NXPE2: variants seen among roughly 807,000 people sequenced by gnomAD.
The protein encoded by NXPE2 is NXPE family member 2.
A neutral mutation model predicts 34.4 loss-of-function variants in NXPE2; 34 were observed. The observed-to-expected ratio is 0.99, with a 90% CI of 0.75 to 1.31. NXPE2 has a LOEUF of 1.31. NXPE2 is among the 40% of genes most tolerant of loss of function. The pLI, the probability that NXPE2 is intolerant of heterozygous loss-of-function variation, is 0.00. For missense variants in NXPE2, 649 were observed against 672.5 expected, an observed-to-expected ratio of 0.97 and a Z score of 0.39; for synonymous variants, 235 against 231.3, an observed-to-expected ratio of 1.02 and a Z score of -0.15.
chr11:114,479,910 A>G, the NXPE2 span, among the ~76,000 whole-genome samples: 2 of 152,216 alleles, frequency 1.3e-5, no homozygotes, highest in Admixed American at 1.3e-4. Context: ...CAGGAAGCTT[A>G]TAATCATGGT....
chr11:114,628,275 C>A, the NXPE2 span, among the ~76,000 whole-genome samples: 1 of 150,216 alleles, frequency 6.7e-6, no homozygotes, highest in Non-Finnish European at 1.5e-5. Flanking sequence ...TGGAAATAAA[C>A]CTCTCCTCAG....
chr11:114,630,973 G>C, the NXPE2 span, among the ~76,000 whole-genome samples: 2 of 150,848 alleles, frequency 1.3e-5, no homozygotes, highest in East Asian at 3.9e-4. Context: ...ACCACAATGA[G>C]ATACCATCTC....
the NXPE2 span, among the ~76,000 whole-genome samples, chr11:114,750,486 T>C: frequency 1.6e-4 from 25 of 152,362 alleles, no homozygotes; most frequent in African/African-American, 6.0e-4. Flanking sequence ...TTTTACTATA[T>C]GGTGTCCAGA....
chr11:114,522,184 C>T, the NXPE2 span: 2 of 1,613,940 alleles, frequency 1.2e-6, no homozygotes, highest in African/African-American at 1.3e-5. Context: ...TGTTTTCTGT[C>T]TTAATAATCA....
the NXPE2 span, among the ~76,000 whole-genome samples, chr11:114,468,562 C>T: frequency 6.6e-6 from 1 of 152,090 alleles, no homozygotes; most frequent in Non-Finnish European, 1.5e-5. Flanking sequence ...GTTTTGCCCC[C>T]CAGGGGACAT....
the NXPE2 span, among the ~76,000 whole-genome samples, chr11:114,604,547 T>C: frequency 1.1e-4 from 16 of 151,966 alleles, no homozygotes; most frequent in Admixed American, 1.0e-3. Context: ...TATTTCCTTG[T>C]GGATAACCAC....
chr11:114,721,357 T>C, the NXPE2 span, among the ~76,000 whole-genome samples: 4 of 152,122 alleles, frequency 2.6e-5, no homozygotes, highest in Admixed American at 6.5e-5. Context: ...GAGCATACTT[T>C]AGTGATTGAG....
At chr11:114,528,158 AT>A in the NXPE2 span, among the ~76,000 whole-genome samples, 1 of 152,108 alleles carries the variant, frequency 6.6e-6, no homozygotes. Context: ...GGAATTTTAG[AT>A]TCAAAATATT....
rs1286837774 is a variant in NXPE2 at position 114,706,638 on chromosome 11, TC to T, written c.1390del (p.Arg464ValfsTer22). On this transcript the variant is annotated frameshift_variant, in exon 6 of 6. Transcript: ENST00000389586. LOFTEE classifies it low-confidence loss of function (END_TRUNC). ...AGACCCTTTCCCATCAACATTTTCA[TC>T]CGTAGGGCCATCAATATTCAAAAGG... The part of the protein sequence containing the change: ...HFRPFPINIF[I>X]RRAINIQKAI... 1 of 1,551,918 alleles carries T rather than the reference TC, an allele frequency of 6.4e-7. No individual in the cohort carries two copies. Among genetic ancestry groups the T allele is most frequent in the Non-Finnish European group, 8.7e-7 (1 of 1,147,010 alleles).
At chr11:114,571,078 T>C in the NXPE2 span, 2 of 1,614,054 alleles carry the variant, frequency 1.2e-6, no homozygotes, top group Non-Finnish European at 1.7e-6. Context: ...ATGTCCTTTA[T>C]GATGAGATAT....
chr11:114,584,154 G>T, the NXPE2 span: 1 of 292,520 alleles, frequency 3.4e-6, no homozygotes, highest in Non-Finnish European at 6.8e-6. Flanking sequence ...ATGGCAGAAG[G>T]TGGTTACACC....
At chr11:114,652,614 A>G in the NXPE2 span, among the ~76,000 whole-genome samples, 15 of 152,226 alleles carry the variant, frequency 9.9e-5, no homozygotes, top group Non-Finnish European at 1.9e-4. Context: ...TATTGTCATA[A>G]TTGTCATCAG....
the NXPE2 span, among the ~76,000 whole-genome samples, chr11:114,490,888 C>T: frequency 1.1e-4 from 16 of 151,948 alleles, no homozygotes; most frequent in Admixed American, 2.0e-4. Flanking sequence ...TGCGGCCGGG[C>T]GCGGTGGCTC....
At chr11:114,739,365 T>A in the NXPE2 span, among the ~76,000 whole-genome samples, 1 of 66,204 alleles carries the variant, frequency 1.5e-5, no homozygotes, top group Admixed American at 2.0e-4. Flanking sequence ...CCTCCCTCCC[T>A]CCCTCCCTCA....
the NXPE2 span, among the ~76,000 whole-genome samples, chr11:114,511,931 C>T: frequency 6.6e-6 from 1 of 152,176 alleles, no homozygotes; most frequent in Non-Finnish European, 1.5e-5. Flanking sequence ...TTTATACAGC[C>T]TGTGAGACCA....
the NXPE2 span, among the ~76,000 whole-genome samples, chr11:114,727,177 C>G: frequency 6.6e-6 from 1 of 152,030 alleles, no homozygotes; most frequent in African/African-American, 2.4e-5. Flanking sequence ...TAACAAAACA[C>G]TATATACTGG....
At chr11:114,496,022 T>C in the NXPE2 span, among the ~76,000 whole-genome samples, 1 of 152,158 alleles carries the variant, frequency 6.6e-6, no homozygotes, top group East Asian at 1.9e-4. Flanking sequence ...GCAGCTGGTA[T>C]CTCACTTGGT....
At chr11:114,633,349 T>C in the NXPE2 span, among the ~76,000 whole-genome samples, 3 of 142,644 alleles carry the variant, frequency 2.1e-5, no homozygotes, top group Non-Finnish European at 3.0e-5. Flanking sequence ...ATTATATGAT[T>C]ATATTATATA....
the NXPE2 span, among the ~76,000 whole-genome samples, chr11:114,485,383 C>CCTTT: frequency 1.1e-5 from 1 of 89,220 alleles, no homozygotes; most frequent in Non-Finnish European, 2.0e-5. Flanking sequence ...TAATTTTTGT[C>CCTTT]TTTTTTTTTT....
Sources: gnomAD v4.1 joint callset for allele counts (sites outside exome capture counted in the v4.1 genomes callset) on GRCh38, gnomAD v4.1.1 for gene constraint, MANE v1.5 for transcripts, NCBI Gene and HGNC (gene_info 2026-07-23, HGNC 2026-07-21) for gene names.